PARD3: variants seen among roughly 807,000 people sequenced by gnomAD.
PARD3 encodes the protein partitioning defective 3 homolog.
PARD3 carries 75 observed loss-of-function variants against 155.4 expected under a neutral mutation model. That is an observed-to-expected ratio of 0.48 (90% CI 0.40 to 0.58). The LOEUF (loss-of-function observed/expected upper bound fraction) is 0.58, where lower values mean the gene tolerates loss of function less well. PARD3 is among the 20% of genes least tolerant of loss of function. PARD3 has a pLI of 0.00. For missense variants in PARD3, 1,642 were observed against 1,721.7 expected (o/e 0.95, Z 0.82); for synonymous variants, 576 against 610.5 (o/e 0.94, Z 0.83).
chr10:34,716,654 G>T (rs955657427), intron 1 of PARD3, among the ~76,000 whole-genome samples: 3 of 142,138 alleles, frequency 2.1e-5, no homozygotes, highest in African/African-American at 8.0e-5. Context: ...GTGCAATGGT[G>T]CAATCTTGGC....
intron 1 of PARD3, among the ~76,000 whole-genome samples, chr10:34,805,542 C>CATATATATATATATATATATAT (rs58820083): frequency 7.1e-6 from 1 of 140,748 alleles, no homozygotes; most frequent in East Asian, 2.1e-4. Flanking sequence ...CACGTATGTG[C>CATATATATATATATATATATAT]ATATATATAT....
At chr10:34,719,035 C>T (rs1273696960) in intron 1 of PARD3, among the ~76,000 whole-genome samples, 1 of 152,152 alleles carries the variant, frequency 6.6e-6, no homozygotes, top group Non-Finnish European at 1.5e-5. Flanking sequence ...AGCCTAGAAA[C>T]AATACACTCC....
chr10:34,324,578 C>G (rs77922906), intron 19 of PARD3, among the ~76,000 whole-genome samples: 1,995 of 152,214 alleles, frequency 0.013, 48 homozygotes, highest in African/African-American at 0.045. Flanking sequence ...CATCTAGAGA[C>G]AGGAGGCCCA....
Position 34,696,241 on chromosome 10 carries a change from A to T in PARD3, c.222+77T>A, listed in dbSNP as rs138428953. ...AAAGTATGTGTCTAAAACAGAAAGGAAAAGAATCGCACCCGCTCCCTAGTC... is the reference window on the plus strand; with the variant it reads ...AAAGTATGTGTCTAAAACAGAAAGGTAAAGAATCGCACCCGCTCCCTAGTC... On this transcript the variant is annotated intron_variant, in intron 2 of 24. Transcript: ENST00000374788. The T allele has an allele frequency of 1.7e-4, 131 of 777,398 alleles. No homozygotes were observed. The East Asian group carries it at 3.2e-3, about 19-fold the overall frequency. 48.2% of individuals were successfully genotyped at this position (777,398 alleles called of 1,614,324 possible).
At chr10:34,642,005 G>A (rs972451679) in intron 2 of PARD3, among the ~76,000 whole-genome samples, 4 of 152,080 alleles carry the variant, frequency 2.6e-5, no homozygotes, top group South Asian at 4.1e-4. Flanking sequence ...TCCCAGGGCC[G>A]AGGGGTAGCA....
At chr10:34,261,701 G>GAAAGA (rs34021096) in intron 22 of PARD3, among the ~76,000 whole-genome samples, 13 of 62,024 alleles carry the variant, frequency 2.1e-4, no homozygotes, top group African/African-American at 4.0e-4. Context: ...AGAAAGAAAG[G>GAAAGA]AAGAAAGGAA....
intron 22 of PARD3, among the ~76,000 whole-genome samples, chr10:34,149,371 T>C (rs2786550): frequency 0.019 from 2,892 of 152,178 alleles, 92 homozygotes; most frequent in African/African-American, 0.066. Flanking sequence ...ACCAAGAATA[T>C]TGACCTCTAA....
At chr10:34,687,522 G>A (rs1454392752) in intron 2 of PARD3, among the ~76,000 whole-genome samples, 3 of 152,056 alleles carry the variant, frequency 2.0e-5, no homozygotes, top group African/African-American at 7.2e-5. Flanking sequence ...GCATAAACGT[G>A]CAAACTCTTC....
intron 2 of PARD3, among the ~76,000 whole-genome samples, chr10:34,539,935 C>T (rs536764145): frequency 9.2e-5 from 14 of 152,344 alleles, no homozygotes; most frequent in African/African-American, 2.9e-4. Context: ...TACTAACACA[C>T]TGTCACTTTA....
chr10:34,790,731 T>A (rs568564878), intron 1 of PARD3, among the ~76,000 whole-genome samples: 59 of 152,372 alleles, frequency 3.9e-4, no homozygotes, highest in African/African-American at 1.3e-3. Context: ...TATCCTAATG[T>A]AAGTAGGGTT....
intron 1 of PARD3, among the ~76,000 whole-genome samples, chr10:34,789,445 C>A (rs1056673397): frequency 7.2e-5 from 11 of 152,056 alleles, no homozygotes; most frequent in African/African-American, 2.4e-4. Flanking sequence ...CACCTGTAAT[C>A]GAAACACTTT....
At chr10:34,204,200 G>T (rs1429097896) in intron 22 of PARD3, among the ~76,000 whole-genome samples, 2 of 152,154 alleles carry the variant, frequency 1.3e-5, no homozygotes. Context: ...AGTACCGTGT[G>T]GAACCTCTAT....
chr10:34,366,039 G>C (rs1839937673), intron 12 of PARD3, among the ~76,000 whole-genome samples: 1 of 152,146 alleles, frequency 6.6e-6, no homozygotes, highest in South Asian at 2.1e-4. Flanking sequence ...TTCTACAGTT[G>C]ATATGCATTA....
chr10:34,171,123 T>C (rs1217352916), intron 22 of PARD3, among the ~76,000 whole-genome samples: 3 of 152,234 alleles, frequency 2.0e-5, no homozygotes, highest in African/African-American at 7.2e-5. Context: ...CACACGTTTA[T>C]ACACACTATC....
At chr10:34,158,003 T>C (rs1949095205) in intron 22 of PARD3, among the ~76,000 whole-genome samples, 1 of 152,188 alleles carries the variant, frequency 6.6e-6, no homozygotes. Flanking sequence ...TAAAACCATT[T>C]CTATTTCCAA....
chr10:34,123,592 A>AT lies in PARD3; in HGVS notation c.3541-3853dup, dbSNP rs943050957. On this transcript the variant is annotated intron_variant, in intron 23 of 24. Coordinates refer to ENST00000374788, the MANE Select transcript of PARD3 (RefSeq NM_001184785.2). ...AGGTATGCACCACCATGCCTGGTTA[A>AT]TTTTTTTTTTCTTTTTAATTTTTGT... Among the ~76,000 whole-genome samples, 20 of 150,072 alleles carry AT rather than the reference A, an allele frequency of 1.3e-4. No individual in the cohort carries two copies. The East Asian group carries it at 2.9e-3, about 22-fold the overall frequency.
At chr10:34,765,578 T>G (rs993858795) in intron 1 of PARD3, among the ~76,000 whole-genome samples, 4 of 151,608 alleles carry the variant, frequency 2.6e-5, no homozygotes, top group African/African-American at 9.7e-5. Context: ...CTCGGGAGGC[T>G]GACACAGGAG....
At chr10:34,616,314 CAAAAAAAATTA>C (rs993334344) in intron 2 of PARD3, among the ~76,000 whole-genome samples, 8 of 151,004 alleles carry the variant, frequency 5.3e-5, no homozygotes, top group South Asian at 4.2e-4. Context: ...GAGACTCTCT[CAAAAAAAATTA>C]AAAAAAAATT....
chr10:34,265,020 G>C (rs1298486390), intron 22 of PARD3, among the ~76,000 whole-genome samples: 1 of 152,168 alleles, frequency 6.6e-6, no homozygotes, highest in Non-Finnish European at 1.5e-5. Context: ...CAAAGTGCTG[G>C]GATTACAGGT....
Sources: allele counts gnomAD v4.1 joint callset (sites outside exome capture counted in the v4.1 genomes callset), GRCh38; gene constraint gnomAD v4.1.1; transcripts MANE v1.5; gene names NCBI Gene and HGNC (gene_info 2026-07-23, HGNC 2026-07-21).